LRRC56: variants seen among roughly 807,000 people sequenced by gnomAD.
LRRC56 encodes the protein leucine rich repeat containing 56.
Under a neutral mutation model 47.8 loss-of-function variants are expected in LRRC56, and 41 were observed. The observed-to-expected ratio is 0.86, with a 90% CI of 0.67 to 1.11. The LOEUF (loss-of-function observed/expected upper bound fraction) is 1.11. LRRC56 is among the 50% of genes most tolerant of loss of function. LRRC56 has a pLI of 0.00. For synonymous variants in LRRC56, 387 were observed against 311.2 expected (o/e 1.24, Z -2.56); for missense variants, 759 against 704.2 (o/e 1.08, Z -0.88).
chr11:530,167 C>T, the LRRC56 span, among the ~76,000 whole-genome samples: 1 of 152,126 alleles, frequency 6.6e-6, no homozygotes, highest in African/African-American at 2.4e-5. Context: ...ACCCCAGGAC[C>T]ACAGCACAGG....
chr11:533,741 C>T (rs1427412831), upstream of LRRC56: 7 of 1,612,896 alleles, frequency 4.3e-6, no homozygotes, highest in African/African-American at 4.0e-5. Context: ...GGCGTGGGCT[C>T]CCGGGCCAGC....
rs749620469 is a variant in LRRC56, at chr11:541,577, C to T, written c.218C>T (p.Thr73Met). 17 of 1,590,700 alleles carry T rather than the reference C, an allele frequency of 1.1e-5. No individual in the cohort carries two copies. Among genetic ancestry groups the T allele is most frequent in the South Asian group, 3.4e-5 (3 of 88,222 alleles). Residue 73 changes from threonine (T) to methionine (M), a missense_variant, in exon 5 of 14, where the codon ACG (threonine) becomes ATG (methionine). Thr to Met is a moderately conservative substitution (Grantham distance 81). Coordinates refer to ENST00000270115, the MANE Select transcript of LRRC56 (RefSeq NM_198075.4). This position sits in a 1 kb window ranked among gnomAD's most constrained non-coding sequence, Gnocchi z 4.1. Reference sequence around the variant, plus strand: ...GTGGATGACCTTCGGCTGGTGAGGACGCTGGAGATGTGTGTGGACACTCGT... The same window carrying T: ...GTGGATGACCTTCGGCTGGTGAGGATGCTGGAGATGTGTGTGGACACTCGT... ...ARVDDLRLVR[T>M]LEMCVDTREG...
upstream of LRRC56, chr11:536,795 A>G: frequency 6.6e-6 from 1 of 152,332 alleles, no homozygotes; most frequent in African/African-American, 2.4e-5. Context: ...AGTCAGGCAA[A>G]CCCTGCCTCT....
At chr11:552,848 C>A in intron 13 of LRRC56, 146 bp downstream of exon 13, 1 of 738,624 alleles carries the variant, frequency 1.4e-6, no homozygotes, top group South Asian at 2.0e-5. Flanking sequence ...AGGGAGGCCC[C>A]CTTCTGGGGG....
rs35782858 is a variant in LRRC56 at position 539,384 on chromosome 11, C to CTTTT, written c.-158-181_-158-178dup. Among the ~76,000 whole-genome samples, 54 of 92,420 alleles carry CTTTT rather than the reference C, an allele frequency of 5.8e-4. 1 individual carries two copies. The highest frequency in any genetic ancestry group is 8.8e-4 in the Non-Finnish European group (43 of 48,602). 60.6% of individuals were successfully genotyped at this position (92,420 alleles called of 152,430 possible). A position where few individuals can be genotyped will look rare whatever the true frequency, so the allele number is the denominator to read the frequency against. ...ACAGGTGTGAGCCACCGCACCCAGCCTTTTTTTTTTTTTTTTTTGAGACAG... is the reference window on the plus strand; with the variant it reads ...ACAGGTGTGAGCCACCGCACCCAGCCTTTTTTTTTTTTTTTTTTTTTTGAGACAG... On this transcript the variant is annotated intron_variant, in intron 2 of 13. Coordinates refer to ENST00000270115, the MANE Select transcript of LRRC56 (RefSeq NM_198075.4).
chr11:525,090 G>C, the LRRC56 span, among the ~76,000 whole-genome samples: 3 of 124,030 alleles, frequency 2.4e-5, no homozygotes, highest in African/African-American at 3.4e-5. Flanking sequence ...GCAAGACTCC[G>C]TCTCAAAAAA....
chr11:551,409 C>A (rs936580810), intron 9 of LRRC56, 107 bp downstream of exon 9: 2 of 830,548 alleles, frequency 2.4e-6, no homozygotes, highest in Non-Finnish European at 3.7e-6. Context: ...TCATGCGCTT[C>A]TCCAGCCTTG....
At chr11:528,521 G>T in the LRRC56 span, 1 of 152,210 alleles carries the variant, frequency 6.6e-6, no homozygotes, top group African/African-American at 2.4e-5. Flanking sequence ...GAGACAGAGG[G>T]ACACTGAACC....
the LRRC56 span, among the ~76,000 whole-genome samples, chr11:532,015 C>G: frequency 6.6e-6 from 1 of 152,226 alleles, no homozygotes; most frequent in Non-Finnish European, 1.5e-5. Flanking sequence ...ACAGTAAGCT[C>G]TCTGTCCTTA....
chr11:528,042 G>C, the LRRC56 span, among the ~76,000 whole-genome samples: 1 of 151,688 alleles, frequency 6.6e-6, no homozygotes, highest in East Asian at 1.9e-4. Context: ...CACCGTGTTG[G>C]CCAGGCTGGT....
chr11:551,054 G>A, intron 8 of LRRC56, 77 bp from the exon 9 acceptor site: 1 of 872,252 alleles, frequency 1.1e-6, no homozygotes, highest in South Asian at 2.1e-5. Context: ...CTGGGAAAGG[G>A]AGCCAGGGAA....
chr11:534,098 G>C, upstream of LRRC56: 2 of 1,168,172 alleles, frequency 1.7e-6, no homozygotes, highest in South Asian at 2.5e-5. Context: ...GGAAGCAGGA[G>C]ACAGGGCCAC....
At chr11:525,262 A>G in the LRRC56 span, among the ~76,000 whole-genome samples, 41 of 139,134 alleles carry the variant, frequency 2.9e-4, no homozygotes, top group East Asian at 2.2e-3. Context: ...AAATCAGGCC[A>G]GGCACGGTGG....
intron 5 of LRRC56, among the ~76,000 whole-genome samples, chr11:543,192 G>A (rs1040470842): frequency 6.7e-5 from 9 of 133,956 alleles, no homozygotes; most frequent in African/African-American, 2.4e-4. Flanking sequence ...GAGCCACCGC[G>A]CCTGGCCTGT....
In LRRC56 at chr11:554,479, A is replaced by C; in HGVS notation, c.*203A>C. On this transcript the variant is annotated 3_prime_UTR_variant, in exon 14 of 14. Coordinates refer to ENST00000270115, the MANE Select transcript of LRRC56 (RefSeq NM_198075.4). ...GGCTGGAACCCAGTTTAGGCCCCCAACTGGGTTTGGCCTGGGGAGGGAGGG... is the reference window on the plus strand; with the variant it reads ...GGCTGGAACCCAGTTTAGGCCCCCACCTGGGTTTGGCCTGGGGAGGGAGGG... The C allele has an allele frequency of 2.2e-6, 1 of 450,842 alleles. No homozygotes were observed. The highest frequency in any genetic ancestry group is 3.8e-6 in the Non-Finnish European group (1 of 264,958). 27.9% of individuals were successfully genotyped at this position (450,842 alleles called of 1,614,324 possible). A position where few individuals can be genotyped will look rare whatever the true frequency, so the allele number is the denominator to read the frequency against.
At chr11:545,227 G>T (rs1852009835) in intron 6 of LRRC56, among the ~76,000 whole-genome samples, 1 of 152,246 alleles carries the variant, frequency 6.6e-6, no homozygotes, top group South Asian at 2.1e-4. Flanking sequence ...GTCATGCCAG[G>T]TCGTGTGGCC....
chr11:551,208 C>G lies in LRRC56; in HGVS notation c.702C>G (p.Ala234=). 1 of 1,547,232 alleles carries G rather than the reference C, an allele frequency of 6.5e-7. No homozygotes were observed. The highest frequency in any genetic ancestry group is 1.2e-5 in the South Asian group (1 of 83,812). ...TGCAGGTCCTGGACGAAGTGCCGGC[C>G]GCACACACAGGCCCACCGGCCCCCC... The part of the protein sequence containing the change: ...PQLQVLDEVP[A]AHTGPPAPPR... The change falls in exon 9 of 14, where the codon GCC becomes GCG. Residue 234 remains alanine (A), a synonymous_variant. Coordinates refer to ENST00000270115, the MANE Select transcript of LRRC56 (RefSeq NM_198075.4).
At chr11:535,289 CCCGCCGCCGCCG>C (rs113931482), upstream of LRRC56, 658 of 141,298 alleles carry the variant, frequency 4.7e-3, 8 homozygotes, top group East Asian at 0.043. Context: ...GCCCCACCCA[CCCGCCGCCGCCG>C]CCGCCGCCGC....
At chr11:512,731 A>G in the LRRC56 span, among the ~76,000 whole-genome samples, 2 of 152,160 alleles carry the variant, frequency 1.3e-5, no homozygotes, top group African/African-American at 2.4e-5. Context: ...CCTTTTCTCA[A>G]TACTATATGA....
Sources: allele counts gnomAD v4.1 joint callset (sites outside exome capture counted in the v4.1 genomes callset), GRCh38; gene constraint gnomAD v4.1.1; non-coding constraint Gnocchi (gnomAD v3.1); transcripts MANE v1.5; gene names NCBI Gene and HGNC (gene_info 2026-07-23, HGNC 2026-07-21).